The following FRRS1 variants were observed in gnomAD, a reference collection of about 807,000 sequenced individuals.
FRRS1 encodes ferric reductase 1.
In FRRS1, 51 loss-of-function variants were observed where a neutral mutation model predicts 70.7. That is an observed-to-expected ratio of 0.72 (90% CI 0.58 to 0.91). The LOEUF (loss-of-function observed/expected upper bound fraction) is 0.91, where lower values mean the gene tolerates loss of function less well. FRRS1 is among the 40% of genes least tolerant of loss of function. FRRS1 has a pLI of 0.00. For missense variants in FRRS1, 672 were observed against 726.0 expected, an observed-to-expected ratio of 0.93 and a Z score of 0.86; for synonymous variants, 225 against 238.7, an observed-to-expected ratio of 0.94 and a Z score of 0.53.
At chr1:99,711,160 G>A (rs578040074) in intron 14 of FRRS1, among the ~76,000 whole-genome samples, 3 of 152,126 alleles carry the variant, frequency 2.0e-5, no homozygotes, top group East Asian at 1.9e-4. Context: ...TACCAATTGT[G>A]GGGGGCGGTT....
In FRRS1 at chr1:99,709,251, A is replaced by G. The variant is rs775901805; in HGVS notation, c.1633T>C (p.Leu545=). ...AGGATCTGAATTCTGTCATCATCCA[A>G]TATTTCAACTGTCAAGAATAATAAC... ...AYRLSRKVEI[L]DDDRIQILQS... The change falls in exon 16 of 17, where the codon TTG becomes CTG. Residue 545 remains leucine (L), a synonymous_variant. Transcript: ENST00000646001. The G allele has an allele frequency of 1.0e-5, 16 of 1,602,804 alleles. No homozygotes were observed. The Admixed American group carries it at 1.5e-4, about 15-fold the overall frequency.
intron 4 of FRRS1, among the ~76,000 whole-genome samples, chr1:99,743,296 C>G (rs1557700651): frequency 6.6e-6 from 1 of 152,156 alleles, no homozygotes; most frequent in East Asian, 1.9e-4. Flanking sequence ...AAAAAACTGA[C>G]AGAGAGCAAT....
rs907418486 is a variant in FRRS1, at chr1:99,707,008, CTTAAT to C, written c.*2015_*2019del. ...TGGAGGAAAATAACTTTAGTACACA[CTTAAT>C]TTGCTATACTAAATTTTTTTAATAA... On this transcript the variant is annotated 3_prime_UTR_variant, in exon 17 of 17. Transcript: ENST00000646001. Among the ~76,000 whole-genome samples the C allele has an allele frequency of 8.5e-5, 13 of 152,152 alleles. No homozygotes were observed. The highest frequency in any genetic ancestry group is 3.1e-4 in the African/African-American group (13 of 41,492).
chr1:99,738,287 A>G lies in FRRS1; in HGVS notation c.577-19T>C. On this transcript the variant is annotated intron_variant, in intron 6 of 16. Coordinates refer to ENST00000646001, the MANE Select transcript of FRRS1 (RefSeq NM_001361041.2). The stretch of plus-strand genomic sequence containing the variant: ...CACTGAACTAGAAAAATGACAGAGG[A>G]AAAAAAAATCTTAATTATCAAACAA... The G allele has an allele frequency of 6.5e-7, 1 of 1,527,220 alleles. No individual in the cohort carries two copies. Among genetic ancestry groups the G allele is most frequent in the Middle Eastern group, 1.8e-4 (1 of 5,544 alleles). 94.6% of individuals were successfully genotyped at this position (1,527,220 alleles called of 1,614,324 possible).
intron 7 of FRRS1, among the ~76,000 whole-genome samples, chr1:99,733,002 C>T (rs376162792): frequency 2.6e-5 from 4 of 151,958 alleles, no homozygotes; most frequent in East Asian, 3.9e-4. Context: ...TGCCACTACG[C>T]CCAGCTAATT....
At chr1:99,739,777 G>C (rs1283046867) in intron 6 of FRRS1, among the ~76,000 whole-genome samples, 1 of 152,146 alleles carries the variant, frequency 6.6e-6, no homozygotes, top group Non-Finnish European at 1.5e-5. Context: ...TGAGGAAACT[G>C]AGACTGAAAA....
At chr1:99,746,298 G>C (rs1418143416) in intron 4 of FRRS1, among the ~76,000 whole-genome samples, 2 of 152,106 alleles carry the variant, frequency 1.3e-5, no homozygotes, top group African/African-American at 4.8e-5. Context: ...CAACGCTATG[G>C]AAGAGAACTC....
intron 10 of FRRS1, 89 bp downstream of exon 10, chr1:99,719,445 C>A: frequency 2.9e-6 from 2 of 682,610 alleles, no homozygotes; most frequent in South Asian, 1.7e-5. Context: ...TAAAAATTAG[C>A]TACATTATAC....
At chr1:99,748,214 A>C (rs1208940873) in intron 3 of FRRS1, 1 of 166,652 alleles carries the variant, frequency 6.0e-6, no homozygotes, top group African/African-American at 2.4e-5. Context: ...ATCAGCCTAC[A>C]TTTTACCAGA....
In FRRS1 at chr1:99,738,249, C is replaced by T; in HGVS notation, c.596G>A (p.Gly199Glu). Residue 199 changes from glycine to glutamate, a missense_variant, in exon 7 of 17, where the codon GGG (glycine) becomes GAG (glutamate). By Grantham distance (98) the Gly-to-Glu change is moderately conservative. Transcript: ENST00000646001. ...LTKPFSASDC[G>E]NKKFCIRSPL... ...ACTCCTAATACAGAACTTCTTGTTCCCACAATCTGAGGCACTGAACTAGAA... is the reference window on the plus strand; with the variant it reads ...ACTCCTAATACAGAACTTCTTGTTCTCACAATCTGAGGCACTGAACTAGAA... 3 of 1,602,652 alleles carry T rather than the reference C, an allele frequency of 1.9e-6. No individual in the cohort carries two copies. The highest frequency in any genetic ancestry group is 2.3e-5 in the South Asian group (2 of 88,700).
At chr1:99,745,911 T>C (rs529170879) in intron 4 of FRRS1, among the ~76,000 whole-genome samples, 3 of 152,286 alleles carry the variant, frequency 2.0e-5, no homozygotes, top group African/African-American at 7.2e-5. Context: ...TCTCTTGCTG[T>C]TGCTTTCACC....
At chr1:99,715,416 C>T (rs1022461292) in intron 12 of FRRS1, among the ~76,000 whole-genome samples, 170 bp downstream of exon 12, 1 of 152,318 alleles carries the variant, frequency 6.6e-6, no homozygotes, top group Non-Finnish European at 1.5e-5. Flanking sequence ...CTGACATCCT[C>T]ACTATACCCC....
chr1:99,749,039 G>GT (rs892458979), intron 1 of FRRS1, 38 bp from the exon 2 acceptor site: 8,940 of 243,324 alleles, frequency 0.037, no homozygotes, highest in South Asian at 0.07. Flanking sequence ...TTTCAATGCT[G>GT]TTTTTTTTTT....
chr1:99,719,342 G>A (rs1398953317), intron 10 of FRRS1, among the ~76,000 whole-genome samples, 192 bp downstream of exon 10: 1 of 148,756 alleles, frequency 6.7e-6, no homozygotes, highest in Non-Finnish European at 1.5e-5. Flanking sequence ...CCGGGAGGTG[G>A]AGCTTGCAGT....
intron 9 of FRRS1, among the ~76,000 whole-genome samples, chr1:99,720,939 GA>G (rs1387567688): frequency 2.7e-5 from 4 of 147,148 alleles, no homozygotes; most frequent in African/African-American, 1.0e-4. Flanking sequence ...TGGGAAACCA[GA>G]AAAAAAAGAT....
At chr1:99,755,433 G>A (rs1253317684) in intron 1 of FRRS1, among the ~76,000 whole-genome samples, 1 of 151,984 alleles carries the variant, frequency 6.6e-6, no homozygotes, top group Non-Finnish European at 1.5e-5. Flanking sequence ...GAAAGGGAGG[G>A]AGGGACAGAC....
At chr1:99,755,471 T>C (rs1656787956) in intron 1 of FRRS1, among the ~76,000 whole-genome samples, 1 of 151,908 alleles carries the variant, frequency 6.6e-6, no homozygotes, top group Non-Finnish European at 1.5e-5. Context: ...GGAAGGAAGA[T>C]CACTATTTAA....
intron 7 of FRRS1, among the ~76,000 whole-genome samples, chr1:99,730,487 C>T (rs1655301706): frequency 6.6e-6 from 1 of 152,068 alleles, no homozygotes; most frequent in African/African-American, 2.4e-5. Flanking sequence ...TTTGGGAGGC[C>T]AAGGCAGGAG....
chr1:99,747,562 T>C (rs948006144), intron 3 of FRRS1, 132 bp from the exon 4 acceptor site: 1 of 774,346 alleles, frequency 1.3e-6, no homozygotes, highest in East Asian at 2.7e-5. Context: ...AGTCATCTTA[T>C]AGGCAAAGAA....
Sources: allele counts gnomAD v4.1 joint callset (sites outside exome capture counted in the v4.1 genomes callset), GRCh38; gene constraint gnomAD v4.1.1; transcripts MANE v1.5; gene names NCBI Gene and HGNC (gene_info 2026-07-23, HGNC 2026-07-21).